FAM120A: variants seen among roughly 807,000 people sequenced by gnomAD.
The protein encoded by FAM120A is family with sequence similarity 120 member A, also known as constitutive coactivator of PPAR-gamma-like protein 1.
A neutral mutation model predicts 109.7 loss-of-function variants in FAM120A; 15 were observed. The observed-to-expected ratio is 0.14, with a 90% confidence interval of 0.09 to 0.21. The LOEUF (loss-of-function observed/expected upper bound fraction) is 0.21, where lower values mean the gene tolerates loss of function less well. Among genes scored for constraint, FAM120A ranks in the 10% least tolerant of loss-of-function variants. The pLI is 1.00. For missense variants in FAM120A, 899 were observed against 1,439.3 expected (o/e 0.62, Z 6.07); for synonymous variants, 493 against 572.8 (o/e 0.86, Z 1.99).
At chr9:93,483,648 C>G (rs1858916888) in intron 3 of FAM120A, among the ~76,000 whole-genome samples, 1 of 152,102 alleles carries the variant, frequency 6.6e-6, no homozygotes. Context: ...CCACTTTAGA[C>G]AGATTGATAT....
chr9:93,476,399 T>G (rs1487238189), intron 3 of FAM120A, 61 bp downstream of exon 3: 1 of 1,121,378 alleles, frequency 8.9e-7, no homozygotes, highest in Non-Finnish European at 1.4e-6. Flanking sequence ...TTGCTATTAC[T>G]TTAATAACAT....
At chr9:93,550,121 C>CA (rs1275842161) in intron 11 of FAM120A, among the ~76,000 whole-genome samples, 1 of 152,196 alleles carries the variant, frequency 6.6e-6, no homozygotes, top group African/African-American at 2.4e-5. Context: ...TTACCTGCTC[C>CA]ATGGACCTGC....
chr9:93,478,027 A>G (rs1438625055), intron 3 of FAM120A, among the ~76,000 whole-genome samples: 2 of 152,232 alleles, frequency 1.3e-5, no homozygotes, highest in Non-Finnish European at 2.9e-5. Flanking sequence ...ATTTGGAAGT[A>G]AGTTGCAGAT....
Position 93,529,884 on chromosome 9 carries a change from A to G in FAM120A, c.1734+304A>G, listed in dbSNP as rs10761233. The G allele has an allele frequency of 0.32, 171,998 of 542,460 alleles. 29,748 individuals carry two copies. Among genetic ancestry groups the G allele is most frequent in the East Asian group, 0.46 (15,094 of 32,904 alleles). 33.6% of individuals were successfully genotyped at this position (542,460 alleles called of 1,614,324 possible). A position where few individuals can be genotyped will look rare whatever the true frequency, so the allele number is the denominator to read the frequency against. On this transcript the variant is annotated intron_variant, in intron 9 of 17. Coordinates refer to ENST00000277165, the MANE Select transcript of FAM120A (RefSeq NM_014612.5). ...TTGTAATTTTATTCTTTTTACTTCAATTTCAGAATTTTCTTAAACCATATT... is the reference window on the plus strand; with the variant it reads ...TTGTAATTTTATTCTTTTTACTTCAGTTTCAGAATTTTCTTAAACCATATT...
intron 10 of FAM120A, among the ~76,000 whole-genome samples, chr9:93,533,113 T>G (rs1286466291): frequency 1.3e-5 from 2 of 152,220 alleles, no homozygotes; most frequent in Admixed American, 1.3e-4. Context: ...ACATACAGTC[T>G]GAGAATATTA....
intron 5 of FAM120A, among the ~76,000 whole-genome samples, chr9:93,504,317 C>G (rs75879611): frequency 6.6e-6 from 1 of 152,016 alleles, no homozygotes; most frequent in Non-Finnish European, 1.5e-5. Context: ...ATTCTTAGAA[C>G]GTGAAAGCTC....
intron 3 of FAM120A, among the ~76,000 whole-genome samples, chr9:93,486,147 T>A (rs1177741301): frequency 6.8e-6 from 1 of 146,506 alleles, no homozygotes; most frequent in Non-Finnish European, 1.5e-5. Flanking sequence ...TAATGTTTTA[T>A]TTTTTTTTTT....
At chr9:93,535,208 C>T (rs1311528184) in intron 10 of FAM120A, among the ~76,000 whole-genome samples, 1 of 152,104 alleles carries the variant, frequency 6.6e-6, no homozygotes, top group Admixed American at 6.5e-5. Flanking sequence ...TGAGGGTGTG[C>T]GTAAGTGCTG....
At chr9:93,478,633 C>T (rs373455379) in intron 3 of FAM120A, among the ~76,000 whole-genome samples, 2 of 152,074 alleles carry the variant, frequency 1.3e-5, no homozygotes, top group Non-Finnish European at 2.9e-5. Flanking sequence ...CCTGCCACCA[C>T]GCCAGCTAAT....
At chr9:93,453,019 T>G in intron 1 of FAM120A, 1 of 1,183,508 alleles carries the variant, frequency 8.4e-7, no homozygotes, top group Non-Finnish European at 1.0e-6. Flanking sequence ...TTTCTATGGC[T>G]TTTTGTGTTA....
intron 12 of FAM120A, among the ~76,000 whole-genome samples, chr9:93,553,051 T>G (rs538156178): frequency 4.9e-4 from 75 of 152,388 alleles, no homozygotes; most frequent in African/African-American, 1.7e-3. Flanking sequence ...ATCTCATCCA[T>G]GCTTTCTTCG....
At chr9:93,558,764 C>T (rs371117039) in intron 15 of FAM120A, 46 bp downstream of exon 15, 3 of 1,602,460 alleles carry the variant, frequency 1.9e-6, no homozygotes, top group East Asian at 4.5e-5. Flanking sequence ...GCCAGCACTT[C>T]CTTCGCTCCA....
At chr9:93,527,888 G>C (rs1409981121) in intron 8 of FAM120A, among the ~76,000 whole-genome samples, 1 of 152,024 alleles carries the variant, frequency 6.6e-6, no homozygotes, top group African/African-American at 2.4e-5. Context: ...CTCCCAAAGT[G>C]CTGGGATTAT....
intron 12 of FAM120A, among the ~76,000 whole-genome samples, chr9:93,553,749 G>A (rs1454164533): frequency 6.6e-6 from 1 of 152,164 alleles, no homozygotes; most frequent in African/African-American, 2.4e-5. Context: ...TGAACCCTCT[G>A]TGACCCGTCT....
chr9:93,491,324 A>G (rs1450984224), intron 3 of FAM120A, among the ~76,000 whole-genome samples: 1 of 152,150 alleles, frequency 6.6e-6, no homozygotes, highest in Non-Finnish European at 1.5e-5. Context: ...CCGCTCATGG[A>G]TTGTGATATG....
At chr9:93,497,352 T>C (rs886294660) in intron 3 of FAM120A, 119 bp from the exon 4 acceptor site, 23 of 1,272,856 alleles carry the variant, frequency 1.8e-5, no homozygotes, top group African/African-American at 9.1e-5. Context: ...TGGACAATCA[T>C]TGGGCACTGA....
chr9:93,558,561 C>G lies in FAM120A; in HGVS notation c.2669-20C>G. The G allele has an allele frequency of 6.2e-7, 1 of 1,613,592 alleles. No individual in the cohort carries two copies. The highest frequency in any genetic ancestry group is 8.5e-7 in the Non-Finnish European group (1 of 1,179,760). ...TGTCCCTTACACTTCTCCCCTCTCTCTCTACCCCGGGTCCCACAGGCGTCT... is the reference window on the plus strand; with the variant it reads ...TGTCCCTTACACTTCTCCCCTCTCTGTCTACCCCGGGTCCCACAGGCGTCT... On this transcript the variant is annotated intron_variant, in intron 14 of 17. Coordinates refer to ENST00000277165, the MANE Select transcript of FAM120A (RefSeq NM_014612.5).
intron 16 of FAM120A, among the ~76,000 whole-genome samples, chr9:93,561,459 A>G (rs900161152): frequency 6.6e-6 from 1 of 152,164 alleles, no homozygotes; most frequent in African/African-American, 2.4e-5. Flanking sequence ...CAGTGGCACA[A>G]TCACAGTTCA....
intron 1 of FAM120A, among the ~76,000 whole-genome samples, chr9:93,456,279 T>A (rs1276340769): frequency 6.6e-6 from 1 of 152,272 alleles, no homozygotes; most frequent in Non-Finnish European, 1.5e-5. Context: ...ATGAAGTCAC[T>A]GGAGCTTTCA....
Sources: gnomAD v4.1 joint callset for allele counts (sites outside exome capture counted in the v4.1 genomes callset) on GRCh38, gnomAD v4.1.1 for gene constraint, MANE v1.5 for transcripts, NCBI Gene and HGNC (gene_info 2026-07-23, HGNC 2026-07-21) for gene names.